HRH3: variants seen among roughly 807,000 people sequenced by gnomAD.
HRH3 encodes histamine H3 receptor.
A neutral mutation model predicts 21.6 loss-of-function variants in HRH3; 13 were observed. The observed-to-expected ratio is 0.60, with a 90% CI of 0.39 to 0.96. The LOEUF is 0.96. HRH3 is among the 40% of genes least tolerant of loss of function. The probability of loss-of-function intolerance (pLI) is 0.00; values close to 1 mark genes in which losing one functional copy is unlikely to be tolerated. For missense variants in HRH3, 461 were observed against 622.7 expected, an observed-to-expected ratio of 0.74 and a Z score of 2.76; for synonymous variants, 276 against 290.3, an observed-to-expected ratio of 0.95 and a Z score of 0.50.
In HRH3 at chr20:62,219,289, C is replaced by T. The variant is rs557893049; in HGVS notation, c.250+432G>A. 6.9e-6 allele frequency among the ~76,000 whole-genome samples: 1 copy of T among 144,568 alleles called. No homozygotes were observed. Among genetic ancestry groups the T allele is most frequent in the East Asian group, 2.3e-4 (1 of 4,422 alleles). The allele number at this position is 144,568 out of a possible 152,430, so 94.8% of individuals were successfully genotyped here. A position where few individuals can be genotyped will look rare whatever the true frequency, so the allele number is the denominator to read the frequency against. ...TGAGAGCACGCTCCTCCGAGCGTCT[C>T]CCCCAACCCCCACCTTCCCCACCGT... On this transcript the variant is annotated intron_variant, in intron 1 of 2. Coordinates refer to ENST00000340177, the MANE Select transcript of HRH3 (RefSeq NM_007232.3). This position sits in a 1 kb window ranked among gnomAD's most constrained non-coding sequence, Gnocchi z 8.7.
At position 62,220,132 on chromosome 20, in the gene HRH3, G is replaced by C. The variant is rs1459257581; in HGVS notation, c.-162C>G. 1 of 528,884 alleles carries C rather than the reference G, an allele frequency of 1.9e-6. No individual in the cohort carries two copies. The highest frequency in any genetic ancestry group is 2.1e-5 in the African/African-American group (1 of 48,090). The allele number at this position is 528,884 out of a possible 1,614,324, so 32.8% of individuals were successfully genotyped here. The stretch of plus-strand genomic sequence containing the variant: ...CGCATGGTCCGCGGGGCCGGGGCCG[G>C]GGCCAGAGCAGGCGGTGCCGAGGGG... On this transcript the variant is annotated 5_prime_UTR_variant, in exon 1 of 3. Transcript: ENST00000340177.
chr20:62,215,014 G>A lies in HRH3; in HGVS notation c.*992C>T, dbSNP rs200208833. The A allele has an allele frequency of 3.6e-5, 9 of 250,120 alleles. No homozygotes were observed. The highest frequency in any genetic ancestry group is 1.9e-4 in the East Asian group (2 of 10,336). 15.5% of individuals were successfully genotyped at this position (250,120 alleles called of 1,614,324 possible). A position where few individuals can be genotyped will look rare whatever the true frequency, so the allele number is the denominator to read the frequency against. Reference sequence around the variant, plus strand: ...GTGACCTCACGGTTTGCAGGGCAGCGCAGCGGGCACAGGCAGAGGAGCATG... The same window carrying A: ...GTGACCTCACGGTTTGCAGGGCAGCACAGCGGGCACAGGCAGAGGAGCATG... On this transcript the variant is annotated 3_prime_UTR_variant, in exon 3 of 3. Transcript: ENST00000340177.
At position 62,216,599 on chromosome 20, in the gene HRH3, G is replaced by A; in HGVS notation, c.745C>T (p.Gln249Ter). ...AAGPEPPPEA[Q>*]PSPPPPPGCW... The stretch of plus-strand genomic sequence containing the variant: ...CCAGGCGGTGGGGGTGGTGAGGGCT[G>A]GGCCTCGGGAGGGGGCTCGGGGCCG... Residue 249 changes from glutamine to a stop codon, truncating the protein, a stop_gained, in exon 3 of 3, where the codon CAG becomes TAG. Transcript: ENST00000340177. LOFTEE classifies it low-confidence loss of function (END_TRUNC). 1 of 1,608,638 alleles carries A rather than the reference G, an allele frequency of 6.2e-7. No individual in the cohort carries two copies. The highest frequency in any genetic ancestry group is 8.5e-7 in the Non-Finnish European group (1 of 1,177,990).
At chr20:62,217,353 G>C (rs959386386) in intron 2 of HRH3, among the ~76,000 whole-genome samples, 1 of 152,238 alleles carries the variant, frequency 6.6e-6, no homozygotes, top group African/African-American at 2.4e-5. Context: ...GCAGAGGTTG[G>C]GGTGGGAGGT....
chr20:62,218,371 A>C lies in HRH3; in HGVS notation c.417+120T>G. 8.6e-7 allele frequency: 1 copy of C among 1,166,280 alleles called. No homozygotes were observed. The highest frequency in any genetic ancestry group is 1.5e-5 in the South Asian group (1 of 66,046). 72.2% of individuals were successfully genotyped at this position (1,166,280 alleles called of 1,614,324 possible). A position where few individuals can be genotyped will look rare whatever the true frequency, so the allele number is the denominator to read the frequency against. On this transcript the variant is annotated intron_variant, in intron 2 of 2. Transcript: ENST00000340177. The surrounding 1 kb of genome is among the most constrained non-coding windows in gnomAD (Gnocchi z 5.6). Reference sequence around the variant, plus strand: ...TGGCCCATGTGTCAGCAGCAAAGCCAGTGGGACCAAGCCCACTTCTGCCCA... The same window carrying C: ...TGGCCCATGTGTCAGCAGCAAAGCCCGTGGGACCAAGCCCACTTCTGCCCA...
chr20:62,216,057 G>A lies in HRH3; in HGVS notation c.1287C>T (p.Pro429=). 1 of 1,603,930 alleles carries A rather than the reference G, an allele frequency of 6.2e-7. No individual in the cohort carries two copies. Among genetic ancestry groups the A allele is most frequent in the Non-Finnish European group, 8.5e-7 (1 of 1,175,960 alleles). ...TGTGGGGCTGGATTTTGAGCTTCTG[G>A]GGGCAGAGCAGCTTGGTGAAGGCCC... is the stretch of plus-strand genomic sequence containing the variant. The part of the protein sequence containing the change: ...FRRAFTKLLC[P]QKLKIQPHSS... The change falls in exon 3 of 3, where the codon CCC becomes CCT. Residue 429 remains proline (P), a synonymous_variant. Coordinates refer to ENST00000340177, the MANE Select transcript of HRH3 (RefSeq NM_007232.3).
At position 62,216,117 on chromosome 20, in the gene HRH3, A is replaced by G. The variant is rs768385563; in HGVS notation, c.1227T>C (p.Pro409=). 1 of 1,612,888 alleles carries G rather than the reference A, an allele frequency of 6.2e-7. No individual in the cohort carries two copies. The highest frequency in any genetic ancestry group is 8.5e-7 in the Non-Finnish European group (1 of 1,179,888). ...TGTGGTGGCACAGAGGGTAGAGGACAGGGTTGACAGCCGAGTTGGCCCACA... is the reference window on the plus strand; with the variant it reads ...TGTGGTGGCACAGAGGGTAGAGGACGGGGTTGACAGCCGAGTTGGCCCACA... ...WLLWANSAVN[P]VLYPLCHHSF... Residue 409 remains proline (P), a synonymous_variant, in exon 3 of 3, where the codon CCT becomes CCC. Transcript: ENST00000340177.
At position 62,218,759 on chromosome 20, in the gene HRH3, C is replaced by T; in HGVS notation, c.251-102G>A. 8.7e-7 allele frequency: 1 copy of T among 1,151,874 alleles called. No homozygotes were observed. Among genetic ancestry groups the T allele is most frequent in the South Asian group, 1.5e-5 (1 of 66,668 alleles). The allele number at this position is 1,151,874 out of a possible 1,614,324, so 71.4% of individuals were successfully genotyped here. A position where few individuals can be genotyped will look rare whatever the true frequency, so the allele number is the denominator to read the frequency against. On this transcript the variant is annotated intron_variant, in intron 1 of 2. Coordinates refer to ENST00000340177, the MANE Select transcript of HRH3 (RefSeq NM_007232.3). The surrounding 1 kb of genome is among the most constrained non-coding windows in gnomAD (Gnocchi z 5.6). Reference sequence around the variant, plus strand: ...GGGACCTGGGGTCACATGGTGGCTGCTTTTCTGGAACTAGCCATCCTCATC... The same window carrying T: ...GGGACCTGGGGTCACATGGTGGCTGTTTTTCTGGAACTAGCCATCCTCATC...
chr20:62,215,445 G>C lies in HRH3; in HGVS notation c.*561C>G. The C allele has an allele frequency of 2.2e-6, 1 of 457,220 alleles. No homozygotes were observed. Among genetic ancestry groups the C allele is most frequent in the Non-Finnish European group, 4.4e-6 (1 of 227,270 alleles). The allele number at this position is 457,220 out of a possible 1,614,324, so 28.3% of individuals were successfully genotyped here. ...GAATGGAAAAGCAGAGAACAGCTTC[G>C]AGGTTCCTAGGGCCCCTTGACACTT... is the stretch of plus-strand genomic sequence containing the variant. On this transcript the variant is annotated 3_prime_UTR_variant, in exon 3 of 3. Transcript: ENST00000340177.
At chr20:62,216,952 G>T in intron 2 of HRH3, 26 bp from the exon 3 acceptor site, 1 of 1,567,318 alleles carries the variant, frequency 6.4e-7, no homozygotes, top group Middle Eastern at 2.0e-4. Flanking sequence ...CTGGTCAGGG[G>T]CGGGGCGGAA....
rs1335924162 is a variant in HRH3 at position 62,217,154 on chromosome 20, G to A, written c.418-228C>T. Among the ~76,000 whole-genome samples, 5 of 152,180 alleles carry A rather than the reference G, an allele frequency of 3.3e-5. No homozygotes were observed. The East Asian group carries it at 9.7e-4, about 29-fold the overall frequency. On this transcript the variant is annotated intron_variant, in intron 2 of 2. Coordinates refer to ENST00000340177, the MANE Select transcript of HRH3 (RefSeq NM_007232.3). ...AGTGAGAGCCTCAGAAGCTCCCTGG[G>A]ACCAACCTGAACCCTCACTCTCTGC...
At position 62,220,062 on chromosome 20, in the gene HRH3, CT is replaced by C; in HGVS notation, c.-93del. 4.1e-6 allele frequency: 4 copies of C among 965,096 alleles called. No individual in the cohort carries two copies. Among genetic ancestry groups the C allele is most frequent in the Non-Finnish European group, 4.9e-6 (4 of 812,838 alleles). 59.8% of individuals were successfully genotyped at this position (965,096 alleles called of 1,614,324 possible). Reference sequence around the variant, plus strand: ...AGGGGCCCCGGCCCGGGAGCCTCGTCTTTGCGGGCCCTTGGCCGGGTCGGGT... The same window carrying C: ...AGGGGCCCCGGCCCGGGAGCCTCGTCTTGCGGGCCCTTGGCCGGGTCGGGT... On this transcript the variant is annotated 5_prime_UTR_variant, in exon 1 of 3. An upstream open reading frame in the 5' UTR loses its in-frame stop. Coordinates refer to ENST00000340177, the MANE Select transcript of HRH3 (RefSeq NM_007232.3).
chr20:62,216,375 G>A lies in HRH3; in HGVS notation c.969C>T (p.Gly323=). 2 of 1,566,062 alleles carry A rather than the reference G, an allele frequency of 1.3e-6. No homozygotes were observed. Among genetic ancestry groups the A allele is most frequent in the Non-Finnish European group, 1.7e-6 (2 of 1,154,960 alleles). Residue 323 remains glycine, a synonymous_variant, in exon 3 of 3, where the codon GGC becomes GGT. Transcript: ENST00000340177. ...AGGCCGAGGACGCCGACGGCTTGGA[G>A]CCCCTCTTGAGTGAGCGCGGCCTCT... ...GTERPRSLKR[G]SKPSASSASL... is the part of the protein sequence containing the mutation.
chr20:62,218,758 G>A lies in HRH3; in HGVS notation c.251-101C>T. 1 of 1,102,672 alleles carries A rather than the reference G, an allele frequency of 9.1e-7. No homozygotes were observed. The highest frequency in any genetic ancestry group is 1.3e-6 in the Non-Finnish European group (1 of 779,426). 68.3% of individuals were successfully genotyped at this position (1,102,672 alleles called of 1,614,324 possible). A position where few individuals can be genotyped will look rare whatever the true frequency, so the allele number is the denominator to read the frequency against. On this transcript the variant is annotated intron_variant, in intron 1 of 2. Transcript: ENST00000340177. This position sits in a 1 kb window ranked among gnomAD's most constrained non-coding sequence, Gnocchi z 5.6. ...CGGGACCTGGGGTCACATGGTGGCT[G>A]CTTTTCTGGAACTAGCCATCCTCAT...
At position 62,216,024 on chromosome 20, in the gene HRH3, C is replaced by T. The variant is rs1445362187; in HGVS notation, c.1320G>A (p.Leu440=). 1.3e-6 allele frequency: 2 copies of T among 1,581,356 alleles called. No individual in the cohort carries two copies. The highest frequency in any genetic ancestry group is 1.9e-5 in the Admixed American group (1 of 53,800). ...GGGCCACTCACTTCCAGCAGTGCTC[C>T]AGGGAGCTGTGGGGCTGGATTTTGA... is the stretch of plus-strand genomic sequence containing the variant. ...QKLKIQPHSS[L]EHCWK The change falls in exon 3 of 3, where the codon CTG becomes CTA. Residue 440 remains leucine, a synonymous_variant. Coordinates refer to ENST00000340177, the MANE Select transcript of HRH3 (RefSeq NM_007232.3).
At position 62,216,652 on chromosome 20, in the gene HRH3, A is replaced by G; in HGVS notation, c.692T>C (p.Leu231Pro). 2.5e-6 allele frequency: 4 copies of G among 1,612,724 alleles called. No homozygotes were observed. The highest frequency in any genetic ancestry group is 3.4e-6 in the Non-Finnish European group (4 of 1,179,890). The change falls in exon 3 of 3, where the codon CTC (leucine) becomes CCC (proline). Residue 231 changes from leucine to proline, a missense_variant. This residue lies in a region of HRH3 where 163 missense variants were observed against 139.4 expected (regional missense o/e 1.17). Coordinates refer to ENST00000340177, the MANE Select transcript of HRH3 (RefSeq NM_007232.3). Reference sequence around the variant, plus strand: ...TGCCTCTCGAGCCCCATCCAGCCGGAGGCGGGTGCGCCTCTGGATGTTCAG... The same window carrying G: ...TGCCTCTCGAGCCCCATCCAGCCGGGGGCGGGTGCGCCTCTGGATGTTCAG... The part of the protein sequence containing the change: ...IYLNIQRRTR[L>P]RLDGAREAAG...
rs199866510 is a variant in HRH3 at position 62,215,971 on chromosome 20, G to A, written c.*35C>T. On this transcript the variant is annotated 3_prime_UTR_variant, in exon 3 of 3. Coordinates refer to ENST00000340177, the MANE Select transcript of HRH3 (RefSeq NM_007232.3). Reference sequence around the variant, plus strand: ...CAGATGCCCAGGAGACCTGGGCTGAGAGAGGCGTGGCTGAGGGAGGCTCTG... The same window carrying A: ...CAGATGCCCAGGAGACCTGGGCTGAAAGAGGCGTGGCTGAGGGAGGCTCTG... 3.3e-6 allele frequency: 5 copies of A among 1,525,426 alleles called. No homozygotes were observed. The highest frequency in any genetic ancestry group is 2.7e-5 in the African/African-American group (2 of 72,940). The allele number at this position is 1,525,426 out of a possible 1,614,324, so 94.5% of individuals were successfully genotyped here. A position where few individuals can be genotyped will look rare whatever the true frequency, so the allele number is the denominator to read the frequency against.
chr20:62,219,945 G>A lies in HRH3; in HGVS notation c.26C>T (p.Pro9Leu), dbSNP rs1568807649. 2 of 1,110,210 alleles carry A rather than the reference G, an allele frequency of 1.8e-6. No homozygotes were observed. Among genetic ancestry groups the A allele is most frequent in the Non-Finnish European group, 2.2e-6 (2 of 915,418 alleles). The allele number at this position is 1,110,210 out of a possible 1,614,324, so 68.8% of individuals were successfully genotyped here. A position where few individuals can be genotyped will look rare whatever the true frequency, so the allele number is the denominator to read the frequency against. Residue 9 changes from proline to leucine, a missense_variant, in exon 1 of 3, where the codon CCG becomes CTG. Coordinates refer to ENST00000340177, the MANE Select transcript of HRH3 (RefSeq NM_007232.3). The surrounding 1 kb of genome is among the most constrained non-coding windows in gnomAD (Gnocchi z 8.7). ...CGCCAGCGCCCCCGAAGCGTTCAGC[G>A]GCCCGTCGGGCGGCGCGCGCTCCAT... is the stretch of plus-strand genomic sequence containing the variant. MERAPPDGPLNASGALAGE... is the reference protein window; with the variant it reads MERAPPDGLLNASGALAGE...
rs1978669411 is a variant in HRH3, at chr20:62,218,430, TCC to T, written c.417+59_417+60del. On this transcript the variant is annotated intron_variant, in intron 2 of 2. Coordinates refer to ENST00000340177, the MANE Select transcript of HRH3 (RefSeq NM_007232.3). This position sits in a 1 kb window ranked among gnomAD's most constrained non-coding sequence, Gnocchi z 5.6. ...AAGTGGCCGTCCCCACCCAGGTGCC[TCC>T]CATGGGCGTCCCGACTGTCCCTGCG... 6.4e-7 allele frequency: 1 copy of T among 1,558,834 alleles called. No individual in the cohort carries two copies. Among genetic ancestry groups the T allele is most frequent in the Admixed American group, 1.8e-5 (1 of 54,848 alleles).
Sources: gnomAD v4.1 joint callset for allele counts (sites outside exome capture counted in the v4.1 genomes callset) on GRCh38, gnomAD v4.1.1 for gene constraint, gnomAD v4.1.1 regional missense constraint, Gnocchi (gnomAD v3.1) non-coding constraint, MANE v1.5 for transcripts, NCBI Gene and HGNC (gene_info 2026-07-23, HGNC 2026-07-21) for gene names.